The following L3MBTL4 variants were observed in gnomAD, a reference collection of about 807,000 sequenced individuals.
The protein encoded by L3MBTL4 is L3MBTL histone methyl-lysine binding protein 4.
L3MBTL4 carries 70 observed loss-of-function variants against 84.5 expected under a neutral mutation model. The observed-to-expected ratio is 0.83, with a 90% CI of 0.68 to 1.01. L3MBTL4 has a LOEUF of 1.01. L3MBTL4 is among the 50% of genes least tolerant of loss of function. L3MBTL4 has a pLI of 0.00. For synonymous variants in L3MBTL4, 274 were observed against 259.8 expected (o/e 1.05, Z -0.52); for missense variants, 715 against 754.8 (o/e 0.95, Z 0.62).
At chr18:6,303,591 T>TAA (rs1401477562) in intron 3 of L3MBTL4, among the ~76,000 whole-genome samples, 3 of 152,226 alleles carry the variant, frequency 2.0e-5, no homozygotes, top group African/African-American at 7.2e-5. Flanking sequence ...TTGGGATAGA[T>TAA]CTTTTTAAGT....
intron 13 of L3MBTL4, among the ~76,000 whole-genome samples, chr18:6,170,347 TGCACTGGGGGTCAAA>T (rs1302706402): frequency 1.3e-5 from 2 of 152,140 alleles, no homozygotes; most frequent in African/African-American, 4.8e-5. Context: ...ATTGAGAAGA[TGCACTGGGGGTCAAA>T]GCATTGGGGG....
At chr18:5,977,545 G>C (rs138665995) in intron 16 of L3MBTL4, among the ~76,000 whole-genome samples, 3 of 152,322 alleles carry the variant, frequency 2.0e-5, no homozygotes, top group African/African-American at 7.2e-5. Context: ...CATCCTGAGG[G>C]AATAAGTCAC....
chr18:6,046,753 CA>C, intron 16 of L3MBTL4: 1 of 774,798 alleles, frequency 1.3e-6, no homozygotes. Flanking sequence ...GCAGCACAAG[CA>C]CTGTGAAGAG....
In L3MBTL4 at chr18:5,958,145, GAAGAAGAAGAAGA is replaced by G. The variant is rs1567912144; in HGVS notation, c.1678-1771_1678-1759del. On this transcript the variant is annotated intron_variant, in intron 18 of 18. Transcript: ENST00000317931. ...AGAAGAAGAAAAAGAAGAAGAAGAA[GAAGAAGAAGAAGA>G]ACAAGAAGAAGAAGAAGACGACGAA... Among the ~76,000 whole-genome samples the G allele has an allele frequency of 6.0e-4, 43 of 71,110 alleles. 1 individual carries two copies. Among genetic ancestry groups the G allele is most frequent in the African/African-American group, 2.1e-3 (42 of 20,110 alleles). The allele number at this position is 71,110 out of a possible 152,430, so 46.7% of individuals were successfully genotyped here.
chr18:6,384,788 G>A (rs1333384299), intron 1 of L3MBTL4, among the ~76,000 whole-genome samples: 1 of 152,132 alleles, frequency 6.6e-6, no homozygotes, highest in East Asian at 1.9e-4. Flanking sequence ...GTCTCCTCTG[G>A]GGGAAGCCAG....
intron 13 of L3MBTL4, among the ~76,000 whole-genome samples, chr18:6,168,231 C>T (rs527894404): frequency 6.6e-6 from 1 of 151,948 alleles, no homozygotes; most frequent in East Asian, 1.9e-4. Context: ...GAATCAATAT[C>T]GTGAAAATGG....
At chr18:6,373,788 A>C (rs918660399) in intron 1 of L3MBTL4, among the ~76,000 whole-genome samples, 1 of 152,122 alleles carries the variant, frequency 6.6e-6, no homozygotes, top group South Asian at 2.1e-4. Flanking sequence ...TAAAAAAAAA[A>C]AACCCACTTT....
chr18:5,968,796 C>A (rs1358868228), intron 17 of L3MBTL4, among the ~76,000 whole-genome samples: 1 of 152,186 alleles, frequency 6.6e-6, no homozygotes, highest in Non-Finnish European at 1.5e-5. Context: ...TCTGATCCAA[C>A]TTGCCCCCTC....
At chr18:6,115,302 AGTGATTC>A (rs2144183358) in intron 14 of L3MBTL4, among the ~76,000 whole-genome samples, 1 of 152,338 alleles carries the variant, frequency 6.6e-6, no homozygotes, top group East Asian at 1.9e-4. Context: ...GAGGGTGCTG[AGTGATTC>A]AGTAGAATGG....
chr18:6,243,392 T>A lies in L3MBTL4; in HGVS notation c.362A>T (p.Tyr121Phe), dbSNP rs1413939127. The part of the protein sequence containing the change: ...GYRLRLHFDG[Y>F]LSCYDFWTNA... ...GGTCCAAAAATCATAGCAACTTAAATAACCATCAAAATGAAGTCTTAGACG... is the reference window on the plus strand; with the variant it reads ...GGTCCAAAAATCATAGCAACTTAAAAAACCATCAAAATGAAGTCTTAGACG... Residue 121 changes from tyrosine to phenylalanine, a missense_variant, in exon 7 of 19, where the codon TAT becomes TTT. Physicochemically the swap from Tyr to Phe is conservative, Grantham distance 22. Coordinates refer to ENST00000317931, the MANE Select transcript of L3MBTL4 (RefSeq NM_001330559.2). The A allele has an allele frequency of 1.2e-6, 2 of 1,607,566 alleles. No individual in the cohort carries two copies. The highest frequency in any genetic ancestry group is 2.7e-5 in the African/African-American group (2 of 74,822).
intron 1 of L3MBTL4, among the ~76,000 whole-genome samples, chr18:6,372,596 C>A (rs1356104398): frequency 6.6e-6 from 1 of 152,170 alleles, no homozygotes; most frequent in African/African-American, 2.4e-5. Flanking sequence ...GTGGTGAAAG[C>A]TCCTGGTCTT....
chr18:6,060,756 T>C (rs761294918), intron 16 of L3MBTL4, among the ~76,000 whole-genome samples: 6 of 152,152 alleles, frequency 3.9e-5, no homozygotes, highest in Non-Finnish European at 7.4e-5. Context: ...GGCTTGGAAT[T>C]ATGTATGTAG....
chr18:6,168,573 G>A (rs1235854346), intron 13 of L3MBTL4, among the ~76,000 whole-genome samples: 1 of 152,158 alleles, frequency 6.6e-6, no homozygotes, highest in South Asian at 2.1e-4. Context: ...AAAAGCAATG[G>A]GGAAAGGATT....
At chr18:6,297,030 G>T (rs2050136344) in intron 4 of L3MBTL4, among the ~76,000 whole-genome samples, 1 of 152,136 alleles carries the variant, frequency 6.6e-6, no homozygotes, top group African/African-American at 2.4e-5. Flanking sequence ...TCTTCAAGTG[G>T]AAGAAAAATA....
In L3MBTL4 at chr18:6,030,242, G is replaced by A. The variant is rs533833355; in HGVS notation, c.1444+50639C>T. 27 of 942,734 alleles carry A rather than the reference G, an allele frequency of 2.9e-5. No homozygotes were observed. The South Asian group carries it at 1.2e-3, about 43-fold the overall frequency. The allele number at this position is 942,734 out of a possible 1,614,324, so 58.4% of individuals were successfully genotyped here. On this transcript the variant is annotated intron_variant, in intron 16 of 18. Coordinates refer to ENST00000317931, the MANE Select transcript of L3MBTL4 (RefSeq NM_001330559.2). ...GAGGAAACTGAAGGCTGAGGATCAG[G>A]TTCAGGGAGAGATACCCCCTTATAC...
intron 15 of L3MBTL4, among the ~76,000 whole-genome samples, chr18:6,086,251 G>C (rs1043131254): frequency 6.6e-6 from 1 of 152,158 alleles, no homozygotes. Flanking sequence ...TTATTTTTCT[G>C]GGGTGCGGGA....
intron 12 of L3MBTL4, among the ~76,000 whole-genome samples, chr18:6,174,665 G>A (rs1428125879): frequency 1.3e-5 from 2 of 151,878 alleles, no homozygotes; most frequent in Non-Finnish European, 2.9e-5. Flanking sequence ...GAGCCAGGGG[G>A]TTAAGACTAG....
chr18:6,337,883 A>G (rs2052419280), intron 1 of L3MBTL4, among the ~76,000 whole-genome samples: 1 of 152,122 alleles, frequency 6.6e-6, no homozygotes, highest in Admixed American at 6.5e-5. Flanking sequence ...AAATCTTAAA[A>G]GTAATATGGG....
intron 12 of L3MBTL4, among the ~76,000 whole-genome samples, chr18:6,196,330 T>C (rs1358976373): frequency 6.6e-6 from 1 of 152,082 alleles, no homozygotes; most frequent in Non-Finnish European, 1.5e-5. Context: ...TCTAATTTTT[T>C]GTATTTTTAG....
Sources: gnomAD v4.1 joint callset for allele counts (sites outside exome capture counted in the v4.1 genomes callset) on GRCh38, gnomAD v4.1.1 for gene constraint, MANE v1.5 for transcripts, NCBI Gene and HGNC (gene_info 2026-07-23, HGNC 2026-07-21) for gene names.